The following ME3 variants were observed in gnomAD, a reference collection of about 807,000 sequenced individuals.
The protein encoded by ME3 is malic enzyme 3, also known as NADP-dependent malic enzyme, mitochondrial.
In ME3, 48 loss-of-function variants were observed where a neutral mutation model predicts 68.9. The ratio of observed to expected loss-of-function variants is 0.70; its 90% CI spans 0.55 to 0.89. ME3 has a LOEUF of 0.89. ME3 is among the 40% of genes least tolerant of loss of function. The probability of loss-of-function intolerance (pLI) is 0.00; values close to 1 mark genes in which losing one functional copy is unlikely to be tolerated. For missense variants in ME3, 675 were observed against 797.4 expected, an observed-to-expected ratio of 0.85 and a Z score of 1.85; for synonymous variants, 320 against 318.8, an observed-to-expected ratio of 1.00 and a Z score of -0.04.
chr11:86,476,436 C>G (rs1002558551), intron 7 of ME3, among the ~76,000 whole-genome samples: 2 of 152,158 alleles, frequency 1.3e-5, no homozygotes, highest in Non-Finnish European at 2.9e-5. Context: ...CTGAATAGGT[C>G]AGTATCAGTG....
intron 2 of ME3, among the ~76,000 whole-genome samples, chr11:86,605,893 T>C (rs1239050215): frequency 2.6e-5 from 4 of 152,074 alleles, no homozygotes; most frequent in African/African-American, 9.7e-5. Context: ...CTTTCAATTA[T>C]TTTCTGTTCT....
chr11:86,641,036 T>TG (rs34557683), intron 2 of ME3, among the ~76,000 whole-genome samples: 3,222 of 139,908 alleles, frequency 0.023, 61 homozygotes, highest in East Asian at 0.054. Context: ...TCAATTTCAC[T>TG]GGGGGGGGGG....
chr11:86,469,692 A>G (rs1249737527), intron 7 of ME3, among the ~76,000 whole-genome samples: 5 of 152,262 alleles, frequency 3.3e-5, no homozygotes, highest in Admixed American at 6.5e-5. Context: ...AATTCCTGCA[A>G]TGGAGAAAGA....
chr11:86,655,746 A>C (rs1321616873), intron 2 of ME3, among the ~76,000 whole-genome samples: 1 of 151,598 alleles, frequency 6.6e-6, no homozygotes, highest in Non-Finnish European at 1.5e-5. Context: ...AAATTGACAA[A>C]TGGAATCTAA....
At chr11:86,469,315 A>C (rs1048667605) in intron 7 of ME3, among the ~76,000 whole-genome samples, 5 of 152,134 alleles carry the variant, frequency 3.3e-5, no homozygotes, top group African/African-American at 1.2e-4. Flanking sequence ...CAGAGCAGGG[A>C]GGTTAGACAT....
intron 2 of ME3, among the ~76,000 whole-genome samples, chr11:86,626,210 T>C (rs1943655861): frequency 6.6e-6 from 1 of 152,164 alleles, no homozygotes; most frequent in East Asian, 1.9e-4. Flanking sequence ...GCAAACTGCC[T>C]TTATGCTTGG....
intron 7 of ME3, among the ~76,000 whole-genome samples, chr11:86,476,231 C>G (rs1951076402): frequency 6.6e-6 from 1 of 152,130 alleles, no homozygotes; most frequent in South Asian, 2.1e-4. Context: ...ATCTGCAGGC[C>G]TGAATGATGA....
chr11:86,625,881 G>A (rs2135292113), intron 2 of ME3, among the ~76,000 whole-genome samples: 1 of 152,308 alleles, frequency 6.6e-6, no homozygotes, highest in Non-Finnish European at 1.5e-5. Context: ...CTGTGTCTCT[G>A]TATCGTTACC....
chr11:86,447,225 G>A lies in ME3; in HGVS notation c.1238-18C>T. ...AGCAACACCTACAGGGAAAAGGCGG[G>A]TAGTGGGGATGCCTGCTCTCTATAA... On this transcript the variant is annotated intron_variant, in intron 11 of 14. Coordinates refer to ENST00000543262, the Ensembl canonical transcript of ME3. 2 of 1,612,854 alleles carry A rather than the reference G, an allele frequency of 1.2e-6. No homozygotes were observed. Among genetic ancestry groups the A allele is most frequent in the Admixed American group, 1.7e-5 (1 of 59,934 alleles).
chr11:86,593,761 T>A (rs1959173059), intron 2 of ME3, among the ~76,000 whole-genome samples: 1 of 146,688 alleles, frequency 6.8e-6, no homozygotes, highest in Non-Finnish European at 1.5e-5. Context: ...AATTTTTTAG[T>A]CTTTTTTCCC....
intron 4 of ME3, among the ~76,000 whole-genome samples, chr11:86,547,784 T>G (rs560689103): frequency 6.6e-6 from 1 of 152,330 alleles, no homozygotes; most frequent in Admixed American, 6.5e-5. Context: ...ACTCAACTCC[T>G]GCTTATATGT....
chr11:86,464,632 C>A (rs923114155), intron 8 of ME3, among the ~76,000 whole-genome samples: 18 of 152,136 alleles, frequency 1.2e-4, no homozygotes, highest in Non-Finnish European at 2.5e-4. Flanking sequence ...CTGGGGAAGG[C>A]CATTTTTATG....
intron 4 of ME3, among the ~76,000 whole-genome samples, chr11:86,552,597 A>C (rs1174353758): frequency 6.6e-6 from 1 of 151,984 alleles, no homozygotes; most frequent in Admixed American, 6.6e-5. Flanking sequence ...TTATCCAAGC[A>C]CCGCCCCCCA....
chr11:86,500,783 C>T (rs1239354634), intron 5 of ME3, among the ~76,000 whole-genome samples: 4 of 152,100 alleles, frequency 2.6e-5, no homozygotes, highest in Non-Finnish European at 4.4e-5. Context: ...CTCTCTATTC[C>T]TTTTTCCTGG....
At chr11:86,465,260 T>A in intron 7 of ME3, 60 bp from the exon 8 acceptor site, 1 of 1,120,620 alleles carries the variant, frequency 8.9e-7, no homozygotes, top group Non-Finnish European at 1.3e-6. Context: ...CCCTGACAGA[T>A]CCCAGCTTGC....
At chr11:86,671,202 T>C (rs555992029) in intron 2 of ME3, among the ~76,000 whole-genome samples, 20 of 152,246 alleles carry the variant, frequency 1.3e-4, no homozygotes, top group Non-Finnish European at 2.9e-4. Flanking sequence ...GGATCTCTAA[T>C]GCTCCTGCAA....
At chr11:86,457,538 T>C (rs1950006315) in intron 8 of ME3, 4 of 1,150,350 alleles carry the variant, frequency 3.5e-6, no homozygotes, top group Non-Finnish European at 4.4e-6. Flanking sequence ...ACAGTGGTTC[T>C]TAAGCTCCAA....
intron 6 of ME3, among the ~76,000 whole-genome samples, chr11:86,493,742 G>A (rs1198001449): frequency 6.6e-6 from 1 of 152,202 alleles, no homozygotes; most frequent in South Asian, 2.1e-4. Flanking sequence ...GGTATTGGCA[G>A]GTAAAAGTGA....
At chr11:86,611,404 T>C (rs1942562468) in intron 2 of ME3, among the ~76,000 whole-genome samples, 1 of 152,078 alleles carries the variant, frequency 6.6e-6, no homozygotes, top group African/African-American at 2.4e-5. Flanking sequence ...AATTGTATAC[T>C]TGAAATTTTC....
Sources: gnomAD v4.1 joint callset for allele counts (sites outside exome capture counted in the v4.1 genomes callset) on GRCh38, gnomAD v4.1.1 for gene constraint, MANE v1.5 for transcripts, NCBI Gene and HGNC (gene_info 2026-07-23, HGNC 2026-07-21) for gene names.